FYB2: variants seen among roughly 807,000 people sequenced by gnomAD.
FYB2 encodes the protein FYN-binding protein 2.
FYB2 carries 103 observed loss-of-function variants against 94.1 expected under a neutral mutation model. That is an observed-to-expected ratio of 1.09 (90% CI 0.93 to 1.29). FYB2 has a LOEUF of 1.29. FYB2 is among the 50% of genes most tolerant of loss of function. FYB2 has a pLI of 0.00. For synonymous variants in FYB2, 293 were observed against 287.9 expected, an observed-to-expected ratio of 1.02 and a Z score of -0.18; for missense variants, 896 against 841.5, an observed-to-expected ratio of 1.06 and a Z score of -0.80.
At chr1:56,807,682 T>C (rs1210953133) in intron 1 of FYB2, among the ~76,000 whole-genome samples, 10 of 152,228 alleles carry the variant, frequency 6.6e-5, no homozygotes, top group African/African-American at 2.2e-4. Flanking sequence ...CAGATTCTTC[T>C]AACAACCCAG....
intron 8 of FYB2, among the ~76,000 whole-genome samples, chr1:56,752,392 CCTT>C (rs1401045031): frequency 1.3e-5 from 2 of 151,954 alleles, no homozygotes; most frequent in Non-Finnish European, 2.9e-5. Context: ...AGGTAATTGT[CCTT>C]CTGACTACAA....
intron 15 of FYB2, among the ~76,000 whole-genome samples, chr1:56,734,536 C>T (rs1418535105): frequency 6.6e-6 from 1 of 151,998 alleles, no homozygotes; most frequent in Non-Finnish European, 1.5e-5. Context: ...AGCTGGAAAC[C>T]ATCATCCTCA....
intron 7 of FYB2, among the ~76,000 whole-genome samples, chr1:56,754,571 T>C (rs944702904): frequency 6.6e-6 from 1 of 152,102 alleles, no homozygotes; most frequent in African/African-American, 2.4e-5. Flanking sequence ...ACTATCTTAT[T>C]CACATGTGTA....
At chr1:56,786,783 C>G (rs1167007382) in intron 4 of FYB2, among the ~76,000 whole-genome samples, 1 of 152,134 alleles carries the variant, frequency 6.6e-6, no homozygotes, top group Admixed American at 6.5e-5. Context: ...ACTTCTGTGG[C>G]AAAATTCTTA....
At chr1:56,752,655 A>G (rs184753507) in intron 8 of FYB2, among the ~76,000 whole-genome samples, 20 of 152,212 alleles carry the variant, frequency 1.3e-4, no homozygotes, top group African/African-American at 4.8e-4. Context: ...CCATCCTTCA[A>G]TGTAGTCCCA....
chr1:56,813,793 G>T (rs1159287290), intron 1 of FYB2, among the ~76,000 whole-genome samples: 1 of 152,182 alleles, frequency 6.6e-6, no homozygotes, highest in African/African-American at 2.4e-5. Context: ...AACCTTGGTT[G>T]AATGTTAAGA....
In FYB2 at chr1:56,755,935, T is replaced by G. The variant is rs1391583625; in HGVS notation, c.1099-8A>C. 3 of 1,608,422 alleles carry G rather than the reference T, an allele frequency of 1.9e-6. No individual in the cohort carries two copies. The highest frequency in any genetic ancestry group is 1.3e-5 in the African/African-American group (1 of 74,822). ...GGGAAAATTCTTCCCAGGCTGAAAG[T>G]AAAGTGGAAAATGGTTATTTTCATA... On this transcript the variant is annotated splice_region_variant and splice_polypyrimidine_tract_variant and intron_variant, in intron 6 of 19. Coordinates refer to ENST00000343433, the MANE Select transcript of FYB2 (RefSeq NM_001004303.5).
chr1:56,722,370 G>A (rs763800341), intron 17 of FYB2, among the ~76,000 whole-genome samples: 14 of 152,040 alleles, frequency 9.2e-5, no homozygotes, highest in Non-Finnish European at 2.1e-4. Flanking sequence ...AATAACCATT[G>A]TCCTCTAGGA....
chr1:56,819,441 T>C, upstream of FYB2: 2 of 1,130,486 alleles, frequency 1.8e-6, no homozygotes, highest in South Asian at 1.4e-5. Context: ...ACCTGCCCCA[T>C]CTGGGCCGAG....
At chr1:56,803,429 A>G (rs1464053265) in intron 1 of FYB2, among the ~76,000 whole-genome samples, 1 of 152,202 alleles carries the variant, frequency 6.6e-6, no homozygotes, top group African/African-American at 2.4e-5. Context: ...GGAAGAAGAA[A>G]AAGCAAAACA....
chr1:56,751,005 T>C (rs1484496305), intron 9 of FYB2, 39 bp downstream of exon 9: 10 of 1,588,518 alleles, frequency 6.3e-6, no homozygotes, highest in African/African-American at 4.2e-5. Flanking sequence ...ATAAAACAAA[T>C]TGTAATGATG....
rs1570001075 is a variant in FYB2, at chr1:56,753,722, T to C, written c.1227+117A>G. The C allele has an allele frequency of 4.5e-6, 3 of 663,704 alleles. No homozygotes were observed. The East Asian group carries it at 7.9e-5, about 17-fold the overall frequency. 41.1% of individuals were successfully genotyped at this position (663,704 alleles called of 1,614,324 possible). Reference sequence around the variant, plus strand: ...TTTATTTCCTTGATACAATATCAAATGCCCATTGCCTTTTCTAACTCTGTC... The same window carrying C: ...TTTATTTCCTTGATACAATATCAAACGCCCATTGCCTTTTCTAACTCTGTC... On this transcript the variant is annotated intron_variant, in intron 8 of 19. Coordinates refer to ENST00000343433, the MANE Select transcript of FYB2 (RefSeq NM_001004303.5).
intron 4 of FYB2, among the ~76,000 whole-genome samples, chr1:56,771,448 TACTAAATGGATACACTC>T (rs1489458728): frequency 6.6e-6 from 1 of 152,176 alleles, no homozygotes; most frequent in Non-Finnish European, 1.5e-5. Flanking sequence ...CGTAAGAACA[TACTAAATGGATACACTC>T]ACAAATTCAT....
rs1436266514 is a variant in FYB2 at position 56,719,710 on chromosome 1, T to C, written c.2166-18A>G. ...TTTGATGCCTGTGAAAAAATAAAAA[T>C]ATGCAAACATTTTAAAATATAGGAC... On this transcript the variant is annotated intron_variant, in intron 19 of 19. Transcript: ENST00000343433. The C allele has an allele frequency of 6.3e-7, 1 of 1,576,592 alleles. No individual in the cohort carries two copies. The highest frequency in any genetic ancestry group is 8.7e-7 in the Non-Finnish European group (1 of 1,150,448).
upstream of FYB2, among the ~76,000 whole-genome samples, chr1:56,822,814 T>C (rs562426289): frequency 2.6e-5 from 4 of 152,090 alleles, no homozygotes; most frequent in Admixed American, 6.5e-5. Context: ...CACCTCTTTC[T>C]AAGGTAAACT....
At chr1:56,769,337 G>T (rs1274858860) in intron 4 of FYB2, among the ~76,000 whole-genome samples, 2 of 152,166 alleles carry the variant, frequency 1.3e-5, no homozygotes, top group Non-Finnish European at 2.9e-5. Flanking sequence ...CACTGGCCTA[G>T]AATTGGTGAA....
At chr1:56,810,699 G>A (rs1213644118) in intron 1 of FYB2, among the ~76,000 whole-genome samples, 1 of 152,178 alleles carries the variant, frequency 6.6e-6, no homozygotes, top group African/African-American at 2.4e-5. Context: ...TTCATGTAAA[G>A]AGCCAGAATA....
Position 56,754,058 on chromosome 1 carries a change from T to C in FYB2, c.1131-123A>G. On this transcript the variant is annotated intron_variant, in intron 7 of 19. Transcript: ENST00000343433. The stretch of plus-strand genomic sequence containing the variant: ...TTTGAACAAATATGAATCATTTATC[T>C]TAGATGAAGGGACTAGGATCAGATC... 3 of 650,354 alleles carry C rather than the reference T, an allele frequency of 4.6e-6. No homozygotes were observed. In the South Asian group the frequency reaches 5.8e-5, roughly 13 times the overall value. The allele number at this position is 650,354 out of a possible 1,614,324, so 40.3% of individuals were successfully genotyped here.
chr1:56,794,583 G>A (rs1646350694), intron 1 of FYB2, among the ~76,000 whole-genome samples: 1 of 152,096 alleles, frequency 6.6e-6, no homozygotes, highest in Non-Finnish European at 1.5e-5. Context: ...GAGGAAAATT[G>A]AACAAGAAGC....
Sources: gnomAD v4.1 joint callset for allele counts (sites outside exome capture counted in the v4.1 genomes callset) on GRCh38, gnomAD v4.1.1 for gene constraint, MANE v1.5 for transcripts, NCBI Gene and HGNC (gene_info 2026-07-23, HGNC 2026-07-21) for gene names.